Variants in SBF2 observed in about 807,000 individuals in gnomAD.
SBF2 encodes the protein SET binding factor 2.
In SBF2, 112 loss-of-function variants were observed where a neutral mutation model predicts 225.2. The observed-to-expected ratio is 0.50, with a 90% CI of 0.43 to 0.58. SBF2 has a LOEUF of 0.58. Among genes scored for constraint, SBF2 ranks in the 20% least tolerant of loss-of-function variants. The pLI, the probability that SBF2 is intolerant of heterozygous loss-of-function variation, is 0.00. For synonymous variants in SBF2, 763 were observed against 773.3 expected (o/e 0.99, Z 0.22); for missense variants, 1,996 against 2,206.2 (o/e 0.90, Z 1.91).
At chr11:9,986,892 T>C (rs557303127) in intron 13 of SBF2, among the ~76,000 whole-genome samples, 1 of 152,210 alleles carries the variant, frequency 6.6e-6, no homozygotes, top group African/African-American at 2.4e-5. Flanking sequence ...TTCCACAAGA[T>C]ACAGAAAGAA....
chr11:9,785,370 T>C, intron 36 of SBF2, 52 bp from the exon 37 acceptor site: 1 of 1,445,608 alleles, frequency 6.9e-7, no homozygotes, highest in Non-Finnish European at 9.7e-7. Context: ...CTTAAACTAC[T>C]GACTGGAAAA....
At chr11:10,195,742 C>T (rs891926738) in intron 1 of SBF2, among the ~76,000 whole-genome samples, 9 of 152,068 alleles carry the variant, frequency 5.9e-5, no homozygotes, top group African/African-American at 1.7e-4. Context: ...TATTCTGAAA[C>T]GAGGTCAAAC....
chr11:10,216,839 T>A (rs7935774), intron 1 of SBF2, among the ~76,000 whole-genome samples: 1 of 152,178 alleles, frequency 6.6e-6, no homozygotes, highest in African/African-American at 2.4e-5. Flanking sequence ...CACTGTACTC[T>A]AGCCTAGGTG....
chr11:10,105,648 T>C (rs1952512667), intron 2 of SBF2, among the ~76,000 whole-genome samples: 1 of 152,212 alleles, frequency 6.6e-6, no homozygotes, highest in Non-Finnish European at 1.5e-5. Context: ...GCCATTTCAC[T>C]AACATATGCT....
intron 2 of SBF2, among the ~76,000 whole-genome samples, chr11:10,083,166 C>G (rs1422572719): frequency 6.6e-6 from 1 of 152,040 alleles, no homozygotes; most frequent in Non-Finnish European, 1.5e-5. Context: ...TCTAGGAATA[C>G]AGTTAACGAA....
chr11:9,964,327 A>G (rs987224816), intron 14 of SBF2, among the ~76,000 whole-genome samples: 2 of 152,226 alleles, frequency 1.3e-5, no homozygotes, highest in African/African-American at 4.8e-5. Flanking sequence ...AAAGTATTCC[A>G]TATCATTATT....
chr11:9,969,807 T>C (rs1401980345), intron 13 of SBF2, among the ~76,000 whole-genome samples: 1 of 152,180 alleles, frequency 6.6e-6, no homozygotes, highest in African/African-American at 2.4e-5. Flanking sequence ...CTTCTCTCCA[T>C]AAAATAAAGC....
chr11:10,152,303 C>T (rs992208289), intron 2 of SBF2, among the ~76,000 whole-genome samples: 2 of 152,154 alleles, frequency 1.3e-5, no homozygotes, highest in Non-Finnish European at 2.9e-5. Flanking sequence ...GTAATTCAAG[C>T]ACTTTGGGAG....
intron 2 of SBF2, among the ~76,000 whole-genome samples, chr11:10,189,525 TAC>T (rs1832799532): frequency 6.6e-6 from 1 of 152,198 alleles, no homozygotes; most frequent in African/African-American, 2.4e-5. Context: ...TTTCCTATGT[TAC>T]ACCTGCACAA....
rs1363610961 is a variant in SBF2 at position 9,932,978 on chromosome 11, A to C, written c.1860+28979T>G. 6.1e-4 allele frequency among the ~76,000 whole-genome samples: 92 copies of C among 150,010 alleles called. 2 individuals are homozygous for C. Among genetic ancestry groups the C allele is most frequent in the East Asian group, 2.3e-3 (12 of 5,128 alleles). On this transcript the variant is annotated intron_variant, in intron 16 of 39. Coordinates refer to ENST00000256190, the MANE Select transcript of SBF2 (RefSeq NM_030962.4). ...AAAGCAAAAAAAAAAAAAAAAAAAA[A>C]AAAAAAAAACAGGTGTTGCAATCCT... is the stretch of plus-strand genomic sequence containing the variant.
intron 6 of SBF2, among the ~76,000 whole-genome samples, chr11:10,016,209 C>T (rs1948647491): frequency 6.6e-6 from 1 of 151,994 alleles, no homozygotes; most frequent in Non-Finnish European, 1.5e-5. Flanking sequence ...AGAAGGGAGG[C>T]CTGCAGTTGT....
At chr11:9,944,776 A>G (rs1865469517) in intron 16 of SBF2, among the ~76,000 whole-genome samples, 1 of 152,150 alleles carries the variant, frequency 6.6e-6, no homozygotes, top group South Asian at 2.1e-4. Context: ...CAAACTACCA[A>G]TGTTATTTTT....
intron 2 of SBF2, 52 bp downstream of exon 2, chr11:10,193,850 A>G (rs2135330361): frequency 1.6e-6 from 2 of 1,220,980 alleles, no homozygotes; most frequent in South Asian, 2.4e-5. Flanking sequence ...AATCAATGTG[A>G]CAAAAAAGAA....
intron 16 of SBF2, among the ~76,000 whole-genome samples, chr11:9,921,540 A>G (rs1023413001): frequency 2.0e-5 from 3 of 152,240 alleles, no homozygotes; most frequent in Non-Finnish European, 4.4e-5. Flanking sequence ...CCTTTCTGAT[A>G]TGGCCTTGAA....
chr11:10,101,792 T>C (rs1159289882), intron 2 of SBF2, among the ~76,000 whole-genome samples: 1 of 152,028 alleles, frequency 6.6e-6, no homozygotes, highest in Non-Finnish European at 1.5e-5. Context: ...TCTGGTGCGC[T>C]TTGTGCTAAG....
At chr11:9,863,800 A>C (rs1475317125) in intron 17 of SBF2, among the ~76,000 whole-genome samples, 1 of 150,788 alleles carries the variant, frequency 6.6e-6, no homozygotes, top group Non-Finnish European at 1.5e-5. Flanking sequence ...ATACAAGTCC[A>C]CTGTATACTT....
At chr11:9,910,573 C>T (rs1862515509) in intron 16 of SBF2, among the ~76,000 whole-genome samples, 1 of 151,944 alleles carries the variant, frequency 6.6e-6, no homozygotes, top group Admixed American at 6.6e-5. Context: ...TGTGTTACTG[C>T]CCCTGAAGAA....
chr11:9,920,022 A>G (rs6483817), intron 16 of SBF2, among the ~76,000 whole-genome samples: 118,323 of 151,916 alleles, frequency 0.78, 46,416 homozygotes, highest in African/African-American at 0.86. Context: ...GTGAGCCACC[A>G]TGCCCGGCCT....
At chr11:10,040,039 T>C (rs1319320907) in intron 3 of SBF2, among the ~76,000 whole-genome samples, 1 of 151,812 alleles carries the variant, frequency 6.6e-6, no homozygotes, top group Non-Finnish European at 1.5e-5. Flanking sequence ...AGAGGGAGTA[T>C]GGAGTTAGAA....
Sources: allele counts gnomAD v4.1 joint callset (sites outside exome capture counted in the v4.1 genomes callset), GRCh38; gene constraint gnomAD v4.1.1; transcripts MANE v1.5; gene names NCBI Gene and HGNC (gene_info 2026-07-23, HGNC 2026-07-21).